Variants in TRPM2 observed in about 807,000 individuals in gnomAD.
The protein encoded by TRPM2 is estrogen-responsive element-associated gene 1 protein.
Under a neutral mutation model 174.0 loss-of-function variants are expected in TRPM2, and 161 were observed. The observed-to-expected ratio is 0.93, with a 90% CI of 0.81 to 1.05. The LOEUF is 1.05. Among genes scored for constraint, TRPM2 ranks in the 50% least tolerant of loss-of-function variants. TRPM2 has a pLI of 0.00. For missense variants in TRPM2, 2,057 were observed against 2,038.0 expected (o/e 1.01, Z -0.18); for synonymous variants, 954 against 861.3 (o/e 1.11, Z -1.88).
chr21:44,432,355 C>A lies in TRPM2; in HGVS notation c.3975-2776C>A, dbSNP rs752338797. ...CCTAGCCACATGGCCTCTCCCTGCA[C>A]GTGTCTGTGTCTCTTCTGTTCTTAG... On this transcript the variant is annotated intron_variant, in intron 27 of 31. Transcript: ENST00000397928. The surrounding 1 kb of genome is among the most constrained non-coding windows in gnomAD (Gnocchi z 4.9). 6.6e-6 allele frequency among the ~76,000 whole-genome samples: 1 copy of A among 152,194 alleles called. No individual in the cohort carries two copies.
At chr21:44,358,142 G>A (rs1174050186) in intron 2 of TRPM2, among the ~76,000 whole-genome samples, 1 of 152,194 alleles carries the variant, frequency 6.6e-6, no homozygotes, top group African/African-American at 2.4e-5. Context: ...TAATCCCACT[G>A]CTTAGCCCCA....
At chr21:44,418,284 C>T in intron 21 of TRPM2, 139 bp from the exon 22 acceptor site, 1 of 1,394,182 alleles carries the variant, frequency 7.2e-7, no homozygotes, top group Non-Finnish European at 9.6e-7. Flanking sequence ...CAGAGGCCCC[C>T]TTGGGGGCAG....
At chr21:44,370,154 AGT>A (rs2048487796) in intron 5 of TRPM2, among the ~76,000 whole-genome samples, 1 of 152,082 alleles carries the variant, frequency 6.6e-6, no homozygotes, top group Admixed American at 6.5e-5. Context: ...TCCACGTGAC[AGT>A]CACTCGCTGC....
chr21:44,412,923 T>C (rs2050150823), intron 19 of TRPM2, among the ~76,000 whole-genome samples: 1 of 152,162 alleles, frequency 6.6e-6, no homozygotes, highest in Non-Finnish European at 1.5e-5. Context: ...TACCCAATAA[T>C]GCATTGCTCA....
intron 2 of TRPM2, among the ~76,000 whole-genome samples, chr21:44,360,512 T>C (rs999992607): frequency 1.3e-5 from 2 of 152,004 alleles, no homozygotes; most frequent in Non-Finnish European, 1.5e-5. Flanking sequence ...ATAACTGTAG[T>C]ACAGTACCCA....
rs151308051 is a variant in TRPM2 at position 44,404,651 on chromosome 21, C to T, written c.2539-491C>T. ...ATGATAGTGACAGTGATGATAGTGA[C>T]GGTGATAGTGATGATAGTGACAGTG... is the stretch of plus-strand genomic sequence containing the variant. On this transcript the variant is annotated intron_variant, in intron 16 of 31. Transcript: ENST00000397928. Among the ~76,000 whole-genome samples, 1,160 of 151,884 alleles carry T rather than the reference C, an allele frequency of 7.6e-3. 5 individuals are homozygous for T. Among genetic ancestry groups the T allele is most frequent in the Non-Finnish European group, 0.011 (720 of 67,950 alleles).
Position 44,437,809 on chromosome 21 carries a change from G to A in TRPM2, c.4167+642G>A, listed in dbSNP as rs141515548. Among the ~76,000 whole-genome samples, 357 of 152,332 alleles carry A rather than the reference G, an allele frequency of 2.3e-3. 3 individuals are homozygous for A. The highest frequency in any genetic ancestry group is 6.6e-3 in the South Asian group (32 of 4,834). Reference sequence around the variant, plus strand: ...TTCCTCCCAGGCCAGCCTGGCCTCCGCAGCCCTCCAGCCCGCTCACTGCAG... The same window carrying A: ...TTCCTCCCAGGCCAGCCTGGCCTCCACAGCCCTCCAGCCCGCTCACTGCAG... On this transcript the variant is annotated intron_variant, in intron 29 of 31. Coordinates refer to ENST00000397928, the MANE Select transcript of TRPM2 (RefSeq NM_003307.4).
At chr21:44,383,562 T>A (rs2048942369) in intron 9 of TRPM2, among the ~76,000 whole-genome samples, 1 of 152,256 alleles carries the variant, frequency 6.6e-6, no homozygotes, top group African/African-American at 2.4e-5. Context: ...GACTTGATGT[T>A]GTGCATAAAA....
chr21:44,369,139 A>C, intron 4 of TRPM2, 38 bp from the exon 5 acceptor site: 2 of 1,548,294 alleles, frequency 1.3e-6, no homozygotes, highest in Non-Finnish European at 1.7e-6. Flanking sequence ...GGTGCCCCTC[A>C]GTGCTGTGGG....
At chr21:44,358,606 G>C (rs1350062323) in intron 2 of TRPM2, among the ~76,000 whole-genome samples, 1 of 152,228 alleles carries the variant, frequency 6.6e-6, no homozygotes, top group Non-Finnish European at 1.5e-5. Context: ...CTCATCAGAG[G>C]TGATCGTTCA....
intron 8 of TRPM2, among the ~76,000 whole-genome samples, chr21:44,382,375 A>G (rs1402411033): frequency 6.6e-6 from 1 of 152,166 alleles, no homozygotes; most frequent in African/African-American, 2.4e-5. Context: ...AAATAAGTAG[A>G]CAGATAGATA....
At chr21:44,434,494 G>A (rs906625257) in intron 27 of TRPM2, among the ~76,000 whole-genome samples, 12 of 152,048 alleles carry the variant, frequency 7.9e-5, no homozygotes, top group African/African-American at 2.7e-4. Flanking sequence ...CCCACCGCAC[G>A]ATAGCGGCAG....
rs202230618 is a variant in TRPM2, at chr21:44,395,482, C to T, written c.1863C>T (p.Pro621=). ...SSGHVTFTMD[P]IRDLLIWAIV... ...GCCATGTGACCTTCACCATGGACCC[C>T]ATCCGTGACCTTCTCATTTGGGCCA... Residue 621 remains proline (P), a synonymous_variant, in exon 12 of 32, where the codon CCC becomes CCT. Transcript: ENST00000397928. The T allele has an allele frequency of 2.2e-5, 35 of 1,612,992 alleles. No homozygotes were observed. The highest frequency in any genetic ancestry group is 1.3e-4 in the Admixed American group (8 of 60,000).
Position 44,354,450 on chromosome 21 carries a change from T to TA in TRPM2, c.166-197dup, listed in dbSNP as rs2047998868. Among the ~76,000 whole-genome samples the TA allele has an allele frequency of 6.6e-6, 1 of 152,290 alleles. No individual in the cohort carries two copies. The highest frequency in any genetic ancestry group is 1.9e-4 in the East Asian group (1 of 5,176). ...ATGGTCCCAAGAGGAAATGATTTCT[T>TA]AGATTCATTCCTCCCTCCTGAATCC... On this transcript the variant is annotated intron_variant, in intron 1 of 31. Coordinates refer to ENST00000397928, the MANE Select transcript of TRPM2 (RefSeq NM_003307.4). This position sits in a 1 kb window ranked among gnomAD's most constrained non-coding sequence, Gnocchi z 4.3.
intron 20 of TRPM2, among the ~76,000 whole-genome samples, chr21:44,416,961 CGTGG>C (rs2050309556): frequency 7.8e-6 from 1 of 127,454 alleles, no homozygotes. Context: ...GGCACGTGGG[CGTGG>C]CTCTGCTCTC....
At chr21:44,362,348 C>CAAAA (rs57031573) in intron 2 of TRPM2, among the ~76,000 whole-genome samples, 1,958 of 89,180 alleles carry the variant, frequency 0.022, 70 homozygotes, top group African/African-American at 0.065. Flanking sequence ...ACTAAAAATA[C>CAAAA]AAAAAAAAAA....
In TRPM2 at chr21:44,423,550, G is replaced by A. The variant is rs538465069; in HGVS notation, c.3462-95G>A. 1.3e-4 allele frequency: 133 copies of A among 1,019,164 alleles called. 2 individuals carry two copies. The East Asian group carries it at 3.1e-3, about 24-fold the overall frequency. The allele number at this position is 1,019,164 out of a possible 1,614,324, so 63.1% of individuals were successfully genotyped here. ...AAGCAAAGGCTGACACAGGGCCTTG[G>A]TGGCTGCATCTGGCAGGGCTGTCTG... On this transcript the variant is annotated intron_variant, in intron 22 of 31. Coordinates refer to ENST00000397928, the MANE Select transcript of TRPM2 (RefSeq NM_003307.4).
chr21:44,391,611 C>A lies in TRPM2; in HGVS notation c.1780C>A (p.His594Asn). ...GCTGCGGCTCCTGCTGCCCGTTCCC[C>A]ACGTCAAGCTCAACGTGCGTGCTGG... Reference protein sequence around the residue: ...DRLRLLLPVPHVKLNVQGVSL... With the variant: ...DRLRLLLPVPNVKLNVQGVSL... The change falls in exon 11 of 32, where the codon CAC (histidine) becomes AAC (asparagine). Residue 594 changes from histidine to asparagine, a missense_variant. Coordinates refer to ENST00000397928, the MANE Select transcript of TRPM2 (RefSeq NM_003307.4). This position sits in a 1 kb window ranked among gnomAD's most constrained non-coding sequence, Gnocchi z 5.0. 1 of 1,578,486 alleles carries A rather than the reference C, an allele frequency of 6.3e-7. No homozygotes were observed. The highest frequency in any genetic ancestry group is 8.6e-7 in the Non-Finnish European group (1 of 1,168,892).
chr21:44,353,423 C>T (rs557264895), upstream of TRPM2: 4 of 300,552 alleles, frequency 1.3e-5, no homozygotes, highest in Middle Eastern at 9.1e-4. Context: ...CTGGGACCCC[C>T]GCATGTGCAT....
Sources: gnomAD v4.1 joint callset for allele counts (sites outside exome capture counted in the v4.1 genomes callset) on GRCh38, gnomAD v4.1.1 for gene constraint, Gnocchi (gnomAD v3.1) non-coding constraint, MANE v1.5 for transcripts, NCBI Gene and HGNC (gene_info 2026-07-23, HGNC 2026-07-21) for gene names.